Variants in PTPN5 observed in about 807,000 individuals in gnomAD.
PTPN5 encodes protein tyrosine phosphatase non-receptor type 5.
In PTPN5, 29 loss-of-function variants were observed where a neutral mutation model predicts 73.9. That is an observed-to-expected ratio of 0.39 (90% CI 0.29 to 0.54). The LOEUF is 0.54. PTPN5 is among the 20% of genes least tolerant of loss of function. The probability of loss-of-function intolerance (pLI) is 0.65; values close to 1 mark genes in which losing one functional copy is unlikely to be tolerated. For missense variants in PTPN5, 652 were observed against 751.4 expected (o/e 0.87, Z 1.55); for synonymous variants, 267 against 304.7 (o/e 0.88, Z 1.29).
Position 18,733,308 on chromosome 11 carries a change from T to C in PTPN5, c.1145A>G (p.Asp382Gly). 6.2e-7 allele frequency: 1 copy of C among 1,614,106 alleles called. No homozygotes were observed. The highest frequency in any genetic ancestry group is 8.5e-7 in the Non-Finnish European group (1 of 1,180,012). Residue 382 changes from aspartate (D) to glycine (G), a missense_variant, in exon 11 of 15, where the codon GAC (aspartate) becomes GGC (glycine). Physicochemically the swap from Asp to Gly is moderately conservative, Grantham distance 94. Transcript: ENST00000358540. This position sits in a 1 kb window ranked among gnomAD's most constrained non-coding sequence, Gnocchi z 4.3. ...CTCCTGCCACACCATGCGCCAGAAG[T>C]CGGCGACCGTGCTGACGATGGGTCC... ...TQGPIVSTVA[D>G]FWRMVWQEHT...
chr11:18,784,165 G>C (rs930834610), intron 1 of PTPN5, among the ~76,000 whole-genome samples: 1 of 152,114 alleles, frequency 6.6e-6, no homozygotes, highest in South Asian at 2.1e-4. Flanking sequence ...ATTCCACTGC[G>C]AGGTATATAC....
chr11:18,732,054 T>C (rs1421244564), intron 12 of PTPN5, among the ~76,000 whole-genome samples: 4 of 152,226 alleles, frequency 2.6e-5, no homozygotes, highest in Admixed American at 6.5e-5. Context: ...TGGGCTGTTT[T>C]GTATTGCTCA....
At chr11:18,774,955 G>C (rs7932876) in intron 1 of PTPN5, among the ~76,000 whole-genome samples, 3 of 152,134 alleles carry the variant, frequency 2.0e-5, no homozygotes, top group Non-Finnish European at 4.4e-5. Flanking sequence ...CTTAGCTCCC[G>C]ACCGAAGAGG....
At chr11:18,732,341 C>G (rs1183196443) in intron 12 of PTPN5, among the ~76,000 whole-genome samples, 1 of 152,192 alleles carries the variant, frequency 6.6e-6, no homozygotes, top group Non-Finnish European at 1.5e-5. Context: ...TTATGAATGA[C>G]AGAGTAGAGA....
chr11:18,784,500 A>C (rs1025592643), intron 1 of PTPN5, among the ~76,000 whole-genome samples: 3 of 152,174 alleles, frequency 2.0e-5, no homozygotes, highest in Non-Finnish European at 4.4e-5. Flanking sequence ...GGAGATGGGA[A>C]TGAGGAATTA....
intron 1 of PTPN5, among the ~76,000 whole-genome samples, chr11:18,781,146 C>T (rs968989830): frequency 6.6e-6 from 1 of 152,084 alleles, no homozygotes; most frequent in African/African-American, 2.4e-5. Flanking sequence ...TGCCGCACCC[C>T]CCCGGCCCCG....
At chr11:18,732,493 G>T in intron 12 of PTPN5, 99 bp downstream of exon 12, 1 of 830,610 alleles carries the variant, frequency 1.2e-6, no homozygotes, top group Non-Finnish European at 2.0e-6. Flanking sequence ...TGGCTTTTAT[G>T]TCAGTTACAG....
intron 1 of PTPN5, among the ~76,000 whole-genome samples, chr11:18,775,623 G>A (rs1037626009): frequency 2.0e-5 from 3 of 152,308 alleles, no homozygotes; most frequent in African/African-American, 7.2e-5. Context: ...GGTGGCAGCT[G>A]TGTTCCATCA....
At chr11:18,765,718 A>G (rs1165069428) in intron 3 of PTPN5, 89 bp downstream of exon 3, 1 of 864,560 alleles carries the variant, frequency 1.2e-6, no homozygotes, top group South Asian at 1.4e-5. Context: ...GTTCACAGCT[A>G]GCTAGGCTTT....
chr11:18,750,961 T>C (rs1849860880), intron 3 of PTPN5, among the ~76,000 whole-genome samples: 1 of 152,218 alleles, frequency 6.6e-6, no homozygotes, highest in Non-Finnish European at 1.5e-5. Context: ...CAGGTTTGCC[T>C]ACCTGGCCTA....
At chr11:18,771,268 AAT>A (rs1163250453) in intron 2 of PTPN5, among the ~76,000 whole-genome samples, 1 of 152,110 alleles carries the variant, frequency 6.6e-6, no homozygotes, top group Non-Finnish European at 1.5e-5. Context: ...CTATTCGCTG[AAT>A]CAAACCTGTC....
At chr11:18,790,820 C>T (rs1049305292) in intron 1 of PTPN5, among the ~76,000 whole-genome samples, 10 of 152,136 alleles carry the variant, frequency 6.6e-5, no homozygotes, top group African/African-American at 2.2e-4. Context: ...CTCTGGTGAC[C>T]TTGGTCCGCC....
intron 9 of PTPN5, among the ~76,000 whole-genome samples, chr11:18,735,989 A>G (rs1441997864): frequency 6.6e-6 from 1 of 152,206 alleles, no homozygotes; most frequent in Non-Finnish European, 1.5e-5. Flanking sequence ...CCAGCCTGGC[A>G]CGGCTCCAGG....
At chr11:18,779,898 T>G (rs1851343298) in intron 1 of PTPN5, among the ~76,000 whole-genome samples, 2 of 152,136 alleles carry the variant, frequency 1.3e-5, no homozygotes, top group Non-Finnish European at 2.9e-5. Context: ...GAGTCTCAAT[T>G]TCCTCCCACT....
intron 3 of PTPN5, among the ~76,000 whole-genome samples, chr11:18,765,424 C>T (rs1350312872): frequency 6.6e-6 from 1 of 152,210 alleles, no homozygotes; most frequent in Non-Finnish European, 1.5e-5. Flanking sequence ...ACATCCCCCA[C>T]CCCATCCTTG....
chr11:18,772,036 TAAATG>T lies in PTPN5; in HGVS notation c.-83_-79del. 1 of 1,168,820 alleles carries T rather than the reference TAAATG, an allele frequency of 8.6e-7. No individual in the cohort carries two copies. The highest frequency in any genetic ancestry group is 1.2e-6 in the Non-Finnish European group (1 of 824,918). The allele number at this position is 1,168,820 out of a possible 1,614,324, so 72.4% of individuals were successfully genotyped here. A position where few individuals can be genotyped will look rare whatever the true frequency, so the allele number is the denominator to read the frequency against. ...CTCAGCAAAAAGCAAGCTGGTGATA[TAAATG>T]AAGGAGAGAGGGCAGCTTCAGATCA... On this transcript the variant is annotated 5_prime_UTR_variant, in exon 2 of 15. Coordinates refer to ENST00000358540, the MANE Select transcript of PTPN5 (RefSeq NM_006906.2).
At chr11:18,771,149 G>A (rs1850877429) in intron 2 of PTPN5, among the ~76,000 whole-genome samples, 1 of 152,128 alleles carries the variant, frequency 6.6e-6, no homozygotes, top group Admixed American at 6.5e-5. Flanking sequence ...AGCCCAGGCA[G>A]ACATGCCCTC....
At position 18,729,968 on chromosome 11, in the gene PTPN5, C is replaced by A. The variant is rs1372788537; in HGVS notation, c.1330-150G>T. 4 of 1,016,778 alleles carry A rather than the reference C, an allele frequency of 3.9e-6. No individual in the cohort carries two copies. In the Admixed American group the frequency reaches 6.5e-5, roughly 16 times the overall value. 63.0% of individuals were successfully genotyped at this position (1,016,778 alleles called of 1,614,324 possible). A position where few individuals can be genotyped will look rare whatever the true frequency, so the allele number is the denominator to read the frequency against. On this transcript the variant is annotated intron_variant, in intron 12 of 14. Transcript: ENST00000358540. This position sits in a 1 kb window ranked among gnomAD's most constrained non-coding sequence, Gnocchi z 5.2. ...TCACCCTTCCATCTAGGCCACATTGCCCAGTGGCACCAGACACAGACCCAA... is the reference window on the plus strand; with the variant it reads ...TCACCCTTCCATCTAGGCCACATTGACCAGTGGCACCAGACACAGACCCAA...
intron 1 of PTPN5, among the ~76,000 whole-genome samples, chr11:18,780,414 G>T (rs574936636): frequency 7.2e-5 from 11 of 152,128 alleles, no homozygotes; most frequent in Non-Finnish European, 1.2e-4. Flanking sequence ...CTCCTAGAGC[G>T]GCCCCTAGCT....
Sources: gnomAD v4.1 joint callset for allele counts (sites outside exome capture counted in the v4.1 genomes callset) on GRCh38, gnomAD v4.1.1 for gene constraint, Gnocchi (gnomAD v3.1) non-coding constraint, MANE v1.5 for transcripts, NCBI Gene and HGNC (gene_info 2026-07-23, HGNC 2026-07-21) for gene names.